Variants in DLG1 observed in about 807,000 individuals in gnomAD.
DLG1 encodes the protein discs large MAGUK scaffold protein 1.
DLG1 carries 42 observed loss-of-function variants against 123.4 expected under a neutral mutation model. The observed-to-expected ratio is 0.34, with a 90% CI of 0.27 to 0.44. DLG1 has a LOEUF of 0.44. Ranked by LOEUF, DLG1 falls within the 20% of genes least tolerant of loss-of-function variation. The probability of loss-of-function intolerance (pLI) is 1.00; values close to 1 mark genes in which losing one functional copy is unlikely to be tolerated. For synonymous variants in DLG1, 317 were observed against 356.2 expected, an observed-to-expected ratio of 0.89 and a Z score of 1.24; for missense variants, 942 against 1,082.6, an observed-to-expected ratio of 0.87 and a Z score of 1.82.
intron 5 of DLG1, among the ~76,000 whole-genome samples, chr3:197,188,922 C>G (rs1271648895): frequency 6.6e-6 from 1 of 152,222 alleles, no homozygotes; most frequent in African/African-American, 2.4e-5. Context: ...CCTACCTACT[C>G]TGCTATAATG....
At chr3:197,068,329 T>C (rs1168913140) in intron 19 of DLG1, among the ~76,000 whole-genome samples, 1 of 152,066 alleles carries the variant, frequency 6.6e-6, no homozygotes, top group East Asian at 1.9e-4. Flanking sequence ...TACCCTATAG[T>C]GGGTTCTGGT....
At chr3:197,127,446 AAAAAAAAAAAAATATATATATATATAT>A (rs1779952340) in intron 11 of DLG1, among the ~76,000 whole-genome samples, 4 of 29,476 alleles carry the variant, frequency 1.4e-4, no homozygotes, top group Non-Finnish European at 2.6e-4. Context: ...AAAAAAAAAA[AAAAAAAAAAAAATATATATATATATAT>A]ATATATATAT....
At chr3:197,054,870 C>T (rs1326460514) in intron 23 of DLG1, among the ~76,000 whole-genome samples, 2 of 151,766 alleles carry the variant, frequency 1.3e-5, no homozygotes, top group Admixed American at 1.3e-4. Flanking sequence ...GGCTGGGGTG[C>T]AATGGTATGG....
intron 14 of DLG1, among the ~76,000 whole-genome samples, chr3:197,103,624 CT>C (rs1428147080): frequency 1.3e-5 from 2 of 150,950 alleles, no homozygotes; most frequent in African/African-American, 4.9e-5. Context: ...AAATTTTCCC[CT>C]GTTTAGTTAC....
chr3:197,148,280 C>A (rs149468009), intron 6 of DLG1, among the ~76,000 whole-genome samples: 1 of 137,434 alleles, frequency 7.3e-6, no homozygotes, highest in East Asian at 2.2e-4. Context: ...CATGGTGGCA[C>A]GTGTCCGTGT....
chr3:197,281,817 C>G (rs1018705530), intron 4 of DLG1, among the ~76,000 whole-genome samples: 2 of 152,174 alleles, frequency 1.3e-5, no homozygotes, highest in Non-Finnish European at 2.9e-5. Context: ...GACAAGGGAT[C>G]AGATGTGCTC....
chr3:197,264,277 C>T (rs1172949228), intron 4 of DLG1, among the ~76,000 whole-genome samples: 2 of 152,156 alleles, frequency 1.3e-5, no homozygotes, highest in African/African-American at 4.8e-5. Flanking sequence ...TGAACTACAA[C>T]GTCACTTGAC....
intron 11 of DLG1, among the ~76,000 whole-genome samples, chr3:197,120,252 G>C (rs1208132963): frequency 7.0e-6 from 1 of 143,820 alleles, no homozygotes; most frequent in Non-Finnish European, 1.5e-5. Flanking sequence ...GTGACAGAGT[G>C]AGATGCCCTG....
intron 22 of DLG1, 133 bp from the exon 23 acceptor site, chr3:197,060,131 C>A (rs767258162): frequency 3.7e-6 from 2 of 536,874 alleles, no homozygotes; most frequent in Non-Finnish European, 6.4e-6. Flanking sequence ...GTAAACTTGT[C>A]ATTTCTCTCA....
intron 5 of DLG1, among the ~76,000 whole-genome samples, chr3:197,181,440 T>C (rs189549879): frequency 5.4e-4 from 83 of 152,300 alleles, no homozygotes; most frequent in Non-Finnish European, 7.1e-4. Context: ...GCTCTAAGTA[T>C]GAAATTTCAA....
At chr3:197,286,663 C>T (rs1213366932) in intron 3 of DLG1, among the ~76,000 whole-genome samples, 1 of 152,148 alleles carries the variant, frequency 6.6e-6, no homozygotes, top group Non-Finnish European at 1.5e-5. Flanking sequence ...AGAGTGACTA[C>T]TAATGTAAAG....
At chr3:197,141,762 AC>A (rs1202601620) in intron 7 of DLG1, among the ~76,000 whole-genome samples, 7 of 147,184 alleles carry the variant, frequency 4.8e-5, no homozygotes, top group African/African-American at 1.3e-4. Context: ...TCACTCTGTC[AC>A]CCAGGCTAGA....
intron 17 of DLG1, chr3:197,080,454 C>CGTT (rs1465403960): frequency 1.0e-5 from 1 of 97,488 alleles, no homozygotes; most frequent in East Asian, 3.6e-4. Flanking sequence ...AATTTTTTAC[C>CGTT]TTTTTTTTTT....
rs1481491870 is a variant in DLG1 at position 197,149,786 on chromosome 3, G to A, written c.494C>T (p.Pro165Leu). 1.0e-5 allele frequency: 16 copies of A among 1,592,832 alleles called. No homozygotes were observed. Among genetic ancestry groups the A allele is most frequent in the Non-Finnish European group, 1.3e-5 (15 of 1,163,910 alleles). Residue 165 changes from proline to leucine, a missense_variant, in exon 6 of 25, where the codon CCC becomes CTC. Transcript: ENST00000667157. ...GCTATCTGTGTTGACCAGTACTGGG[G>A]GAGGATTTGCCTTTAAGAAGAAATT... The part of the protein sequence containing the change: ...SHISPIKANP[P>L]PVLVNTDSLE...
intron 4 of DLG1, among the ~76,000 whole-genome samples, chr3:197,241,448 TAAAAC>T (rs961097872): frequency 7.9e-5 from 12 of 151,520 alleles, no homozygotes; most frequent in Non-Finnish European, 1.5e-4. Flanking sequence ...CCATGAAAAA[TAAAAC>T]AAACTAAAAA....
chr3:197,228,150 AATTT>A (rs1384418249), intron 4 of DLG1, among the ~76,000 whole-genome samples: 3 of 152,230 alleles, frequency 2.0e-5, no homozygotes, highest in African/African-American at 4.8e-5. Flanking sequence ...TATCTATAAC[AATTT>A]ATTTATCCAT....
At chr3:197,184,110 A>T (rs1714288960) in intron 5 of DLG1, 1 of 1,141,048 alleles carries the variant, frequency 8.8e-7, no homozygotes, top group African/African-American at 1.6e-5. Context: ...AGGAACCAAA[A>T]GCTGTTCTTT....
At chr3:197,052,731 A>G (rs1408195764) in intron 23 of DLG1, among the ~76,000 whole-genome samples, 1 of 152,196 alleles carries the variant, frequency 6.6e-6, no homozygotes, top group Non-Finnish European at 1.5e-5. Context: ...ATCAGAAAAT[A>G]CAGTCTGGGG....
At chr3:197,085,833 T>C (rs1373808665) in intron 15 of DLG1, 77 bp from the exon 16 acceptor site, 4 of 1,393,672 alleles carry the variant, frequency 2.9e-6, no homozygotes, top group South Asian at 2.8e-5. Context: ...TGAAAGTATA[T>C]GTAATTTGGG....
Sources: allele counts gnomAD v4.1 joint callset (sites outside exome capture counted in the v4.1 genomes callset), GRCh38; gene constraint gnomAD v4.1.1; transcripts MANE v1.5; gene names NCBI Gene and HGNC (gene_info 2026-07-23, HGNC 2026-07-21).